Variants in SHLD2 observed in about 807,000 individuals in gnomAD.
SHLD2 encodes the protein shieldin complex subunit 2, also known as RINN1-REV7-interacting novel NHEJ regulator 2.
SHLD2 carries 30 observed loss-of-function variants against 73.2 expected under a neutral mutation model. The observed-to-expected ratio is 0.41, with a 90% CI of 0.31 to 0.56. The LOEUF is 0.56. SHLD2 is among the 20% of genes least tolerant of loss of function. The pLI is 0.28. For synonymous variants in SHLD2, 285 were observed against 370.1 expected (o/e 0.77, Z 2.64); for missense variants, 745 against 1,055.9 (o/e 0.71, Z 4.08).
chr10:87,153,230 C>G (rs1333583409), intron 3 of SHLD2, among the ~76,000 whole-genome samples: 3 of 152,126 alleles, frequency 2.0e-5, no homozygotes, highest in African/African-American at 7.2e-5. Context: ...TGAGACCAGC[C>G]TTGGCAACAC....
At chr10:87,159,419 A>G (rs1483267685) in intron 4 of SHLD2, among the ~76,000 whole-genome samples, 2 of 152,188 alleles carry the variant, frequency 1.3e-5, no homozygotes, top group Admixed American at 6.5e-5. Context: ...TGGGGGTACA[A>G]TGGTGCCTGT....
chr10:87,146,855 G>C (rs546595823), intron 2 of SHLD2, among the ~76,000 whole-genome samples: 2 of 146,820 alleles, frequency 1.4e-5, no homozygotes, highest in Non-Finnish European at 3.1e-5. Flanking sequence ...TTGGGAGTTC[G>C]AGACCAGCCT....
chr10:87,179,441 G>A (rs1026036179), intron 7 of SHLD2, among the ~76,000 whole-genome samples: 6 of 147,800 alleles, frequency 4.1e-5, no homozygotes, highest in East Asian at 2.0e-4. Flanking sequence ...TTGCTCTTTC[G>A]CCCAGGCCGG....
chr10:87,173,055 T>G (rs1456299443), intron 6 of SHLD2, among the ~76,000 whole-genome samples: 4 of 151,204 alleles, frequency 2.6e-5, no homozygotes, highest in Admixed American at 2.6e-4. Context: ...TTTTTTTTTT[T>G]GAGACAGAGT....
At chr10:87,173,742 CA>C (rs1300183782) in intron 6 of SHLD2, among the ~76,000 whole-genome samples, 2 of 91,346 alleles carry the variant, frequency 2.2e-5, no homozygotes, top group Non-Finnish European at 2.4e-5. Context: ...GAAAGGCAAC[CA>C]AAAAAAAACA....
In SHLD2 at chr10:87,127,539, A is replaced by G. The variant is rs4934302; in HGVS notation, c.-5-23811A>G. ...TTGTCCCTCTTACCCGCCCCCCCCC[A>G]CCCCGTCTGCCACCCCCCGCCTCCC... On this transcript the variant is annotated intron_variant, in intron 2 of 9. Transcript: ENST00000298786. Among the ~76,000 whole-genome samples the G allele has an allele frequency of 1.4e-3, 49 of 36,106 alleles. 1 individual carries two copies. Among genetic ancestry groups the G allele is most frequent in the East Asian group, 8.6e-3 (9 of 1,044 alleles). 23.7% of individuals were successfully genotyped at this position (36,106 alleles called of 152,430 possible).
chr10:87,106,061 T>C (rs1842574660), intron 2 of SHLD2, among the ~76,000 whole-genome samples: 3 of 152,232 alleles, frequency 2.0e-5, no homozygotes, highest in Admixed American at 2.0e-4. Context: ...TGGAGTGCAG[T>C]GGTGGGATCT....
intron 2 of SHLD2, among the ~76,000 whole-genome samples, chr10:87,115,775 T>C (rs1166684423): frequency 2.6e-5 from 4 of 152,080 alleles, no homozygotes; most frequent in Admixed American, 2.6e-4. Flanking sequence ...GAATAGGTAA[T>C]GTAAACACAT....
At chr10:87,131,199 G>A (rs962721011) in intron 2 of SHLD2, among the ~76,000 whole-genome samples, 2 of 150,734 alleles carry the variant, frequency 1.3e-5, no homozygotes, top group Middle Eastern at 3.4e-3. Flanking sequence ...TTTTTGTTAA[G>A]CATCTTTTTT....
chr10:87,094,656 G>T, upstream of SHLD2: 1 of 1,591,706 alleles, frequency 6.3e-7, no homozygotes, highest in Non-Finnish European at 8.5e-7. The surrounding 1 kb of genome is among the most constrained non-coding windows in gnomAD (Gnocchi z 6.6). Context: ...GCGGGGCGGC[G>T]GCGGGCTGTC....
intron 2 of SHLD2, among the ~76,000 whole-genome samples, chr10:87,103,915 A>G (rs978219880): frequency 2.6e-5 from 4 of 152,202 alleles, no homozygotes; most frequent in African/African-American, 7.2e-5. Context: ...GCTATCATGC[A>G]AGAAACATGT....
At chr10:87,094,599 C>A, upstream of SHLD2, 1 of 1,610,976 alleles carries the variant, frequency 6.2e-7, no homozygotes, top group Non-Finnish European at 8.5e-7. The surrounding 1 kb of genome is among the most constrained non-coding windows in gnomAD (Gnocchi z 6.6). Context: ...CGCGGTCGGC[C>A]ACCGCCTCGC....
At chr10:87,131,089 CA>C (rs997638976) in intron 2 of SHLD2, among the ~76,000 whole-genome samples, 28 of 152,108 alleles carry the variant, frequency 1.8e-4, no homozygotes, top group African/African-American at 6.8e-4. Flanking sequence ...AAAAACCCCC[CA>C]AAAACCTTAT....
intron 2 of SHLD2, among the ~76,000 whole-genome samples, chr10:87,128,964 A>G (rs1430288522): frequency 6.6e-6 from 1 of 151,466 alleles, no homozygotes; most frequent in Non-Finnish European, 1.5e-5. Flanking sequence ...GTGCAGTGGC[A>G]TGATCTTGGC....
intron 8 of SHLD2, among the ~76,000 whole-genome samples, chr10:87,185,762 G>A (rs1434062320): frequency 6.6e-6 from 1 of 152,036 alleles, no homozygotes; most frequent in African/African-American, 2.4e-5. Flanking sequence ...AGGAAGGGGT[G>A]TAATTTTATT....
At chr10:87,176,607 A>G (rs1391163272) in intron 7 of SHLD2, among the ~76,000 whole-genome samples, 1 of 152,256 alleles carries the variant, frequency 6.6e-6, no homozygotes. Flanking sequence ...GCAAATACCT[A>G]TTTTTTATTA....
At chr10:87,112,951 T>A (rs1317103698) in intron 2 of SHLD2, among the ~76,000 whole-genome samples, 1 of 152,142 alleles carries the variant, frequency 6.6e-6, no homozygotes, top group Non-Finnish European at 1.5e-5. Context: ...TACTTGTACA[T>A]GAGTGTTAAT....
intron 2 of SHLD2, among the ~76,000 whole-genome samples, chr10:87,124,407 G>A (rs968361746): frequency 7.2e-5 from 11 of 151,846 alleles, no homozygotes; most frequent in African/African-American, 2.4e-4. Flanking sequence ...ATGGTGAGGC[G>A]CACCTTTGGT....
At chr10:87,134,983 G>A (rs1844700313) in intron 2 of SHLD2, among the ~76,000 whole-genome samples, 1 of 152,208 alleles carries the variant, frequency 6.6e-6, no homozygotes, top group South Asian at 2.1e-4. Context: ...TCTGACCGTC[G>A]TGCTTAATGC....
Sources: gnomAD v4.1 joint callset for allele counts (sites outside exome capture counted in the v4.1 genomes callset) on GRCh38, gnomAD v4.1.1 for gene constraint, Gnocchi (gnomAD v3.1) non-coding constraint, MANE v1.5 for transcripts, NCBI Gene and HGNC (gene_info 2026-07-23, HGNC 2026-07-21) for gene names.